The following TBC1D32 variants were observed in gnomAD, a reference collection of about 807,000 sequenced individuals.
TBC1D32 encodes the protein TBC1 domain family member 32, also known as protein broad-minded.
In TBC1D32, 151 loss-of-function variants were observed where a neutral mutation model predicts 170.3. The ratio of observed to expected loss-of-function variants is 0.89; its 90% CI spans 0.78 to 1.01. The LOEUF is 1.01. Ranked by LOEUF, TBC1D32 falls within the 50% of genes least tolerant of loss-of-function variation. The pLI is 0.00. For missense variants in TBC1D32, 1,464 were observed against 1,457.1 expected, an observed-to-expected ratio of 1.00 and a Z score of -0.08; for synonymous variants, 498 against 488.0, an observed-to-expected ratio of 1.02 and a Z score of -0.27.
chr6:121,261,642 T>C (rs564335212), intron 15 of TBC1D32, among the ~76,000 whole-genome samples: 1 of 151,754 alleles, frequency 6.6e-6, no homozygotes, highest in Admixed American at 6.6e-5. Flanking sequence ...GCCTCAAAGA[T>C]CCAAAGTGAA....
In TBC1D32 at chr6:121,115,165, A is replaced by C; in HGVS notation, c.3053+7T>G. ...ATGCACAAGGGAGCTATTTCCCTAT[A>C]ATATACCTGACAGTCATTTTAATGC... On this transcript the variant is annotated splice_region_variant and intron_variant, in intron 27 of 31. Coordinates refer to ENST00000398212, the MANE Select transcript of TBC1D32 (RefSeq NM_152730.6). The C allele has an allele frequency of 6.3e-7, 1 of 1,589,024 alleles. No individual in the cohort carries two copies. The highest frequency in any genetic ancestry group is 8.6e-7 in the Non-Finnish European group (1 of 1,165,626).
intron 24 of TBC1D32, among the ~76,000 whole-genome samples, chr6:121,140,690 A>T (rs906082585): frequency 6.6e-6 from 1 of 152,008 alleles, no homozygotes; most frequent in African/African-American, 2.4e-5. Context: ...TTTTTTAGTT[A>T]TTTTTTTCAA....
At chr6:121,281,430 C>T (rs1802961958) in intron 14 of TBC1D32, 114 bp downstream of exon 14, 5 of 717,426 alleles carry the variant, frequency 7.0e-6, no homozygotes, top group Non-Finnish European at 1.1e-5. Context: ...AAAATACATT[C>T]ATATATGGAA....
In TBC1D32 at chr6:121,321,761, T is replaced by C; in HGVS notation, c.189A>G (p.Ile63Met). 4.3e-6 allele frequency: 7 copies of C among 1,613,652 alleles called. No homozygotes were observed. In the South Asian group the frequency reaches 7.7e-5, roughly 18 times the overall value. Residue 63 changes from isoleucine to methionine, a missense_variant, in exon 2 of 32, where the codon ATA becomes ATG. Around this residue, in one of 3 missense-constraint regions of TBC1D32, gnomAD observed 1,363 missense variants for 1,338.1 expected, o/e 1.02. Coordinates refer to ENST00000398212, the MANE Select transcript of TBC1D32 (RefSeq NM_152730.6). ...CAATCATAGAACCCAAAGTGTTGCC[T>C]ATATGCTGCCTGAGGTATTTCACAA... is the stretch of plus-strand genomic sequence containing the variant. The part of the protein sequence containing the change: ...YEFVKYLRQH[I>M]GNTLGSMIEE...
chr6:121,183,587 T>C (rs1788810825), intron 22 of TBC1D32, among the ~76,000 whole-genome samples: 1 of 152,118 alleles, frequency 6.6e-6, no homozygotes, highest in African/African-American at 2.4e-5. Flanking sequence ...TTAGGCATCT[T>C]GTGCTACACA....
At chr6:121,100,283 C>T (rs146892913) in intron 30 of TBC1D32, among the ~76,000 whole-genome samples, 2,529 of 151,946 alleles carry the variant, frequency 0.017, 36 homozygotes, top group Non-Finnish European at 0.025. Flanking sequence ...TCTATTAGGT[C>T]CGATTGGTGC....
intron 29 of TBC1D32, among the ~76,000 whole-genome samples, chr6:121,107,706 A>C (rs78019421): frequency 0.018 from 2,724 of 152,046 alleles, 95 homozygotes; most frequent in African/African-American, 0.063. Flanking sequence ...TCAACTCATA[A>C]GTGTATTTTA....
intron 25 of TBC1D32, 102 bp downstream of exon 25, chr6:121,131,524 AT>A (rs1170736212): frequency 5.7e-6 from 7 of 1,237,284 alleles, no homozygotes; most frequent in Non-Finnish European, 7.7e-6. Flanking sequence ...TGGATTTAGC[AT>A]TATGTTTTCT....
At chr6:121,288,850 T>C (rs543340680) in intron 12 of TBC1D32, among the ~76,000 whole-genome samples, 267 of 152,138 alleles carry the variant, frequency 1.8e-3, no homozygotes, top group Non-Finnish European at 3.2e-3. Flanking sequence ...TGGTTCAACA[T>C]ACACAAATCA....
intron 12 of TBC1D32, among the ~76,000 whole-genome samples, chr6:121,287,051 C>A (rs1290319003): frequency 1.3e-5 from 2 of 152,062 alleles, no homozygotes; most frequent in East Asian, 1.9e-4. Context: ...CAAAAACATG[C>A]CAAATTGTAG....
intron 25 of TBC1D32, among the ~76,000 whole-genome samples, chr6:121,126,764 C>T (rs1446456899): frequency 2.0e-5 from 3 of 151,568 alleles, no homozygotes; most frequent in South Asian, 2.1e-4. Context: ...AAAAAAAAAT[C>T]ACTAATTATG....
intron 31 of TBC1D32, among the ~76,000 whole-genome samples, chr6:121,090,211 C>T (rs544449470): frequency 3.5e-4 from 54 of 152,256 alleles, no homozygotes; most frequent in African/African-American, 1.3e-3. Flanking sequence ...GGATTACAGG[C>T]GTGAGCCACT....
intron 22 of TBC1D32, among the ~76,000 whole-genome samples, chr6:121,199,230 C>T (rs1482017380): frequency 2.6e-5 from 4 of 151,264 alleles, no homozygotes. Context: ...TAAAAAAACA[C>T]CTACGTGTGT....
chr6:121,216,580 G>T (rs1047886269), intron 21 of TBC1D32, among the ~76,000 whole-genome samples: 1 of 152,172 alleles, frequency 6.6e-6, no homozygotes, highest in Non-Finnish European at 1.5e-5. Flanking sequence ...ACTGTTTAGA[G>T]AGTTATGCAA....
chr6:121,294,803 C>T (rs1346624381), intron 10 of TBC1D32, 143 bp from the exon 11 acceptor site: 1 of 669,082 alleles, frequency 1.5e-6, no homozygotes. Context: ...GCCCTTAAAG[C>T]TCAGCCTCCT....
At chr6:121,325,446 A>T (rs1462872525) in intron 1 of TBC1D32, among the ~76,000 whole-genome samples, 1 of 152,174 alleles carries the variant, frequency 6.6e-6, no homozygotes, top group Non-Finnish European at 1.5e-5. Context: ...ATGGAACAGA[A>T]CAGAGGCCTC....
At chr6:121,086,062 T>C (rs2128171054) in intron 31 of TBC1D32, among the ~76,000 whole-genome samples, 1 of 152,226 alleles carries the variant, frequency 6.6e-6, no homozygotes, top group East Asian at 1.9e-4. Flanking sequence ...TTTCCTTTGC[T>C]TGTATTCTCT....
chr6:121,118,597 T>A (rs1388399164), intron 26 of TBC1D32, among the ~76,000 whole-genome samples: 2 of 152,150 alleles, frequency 1.3e-5, no homozygotes, highest in South Asian at 2.1e-4. Flanking sequence ...TGGAAAAAAA[T>A]AAATTTTCAG....
chr6:121,194,558 A>G (rs1374217708), intron 22 of TBC1D32, among the ~76,000 whole-genome samples: 2 of 152,180 alleles, frequency 1.3e-5, no homozygotes, highest in East Asian at 1.9e-4. Context: ...GGTGACTCCA[A>G]CTGCAGCTGC....
Sources: allele counts gnomAD v4.1 joint callset (sites outside exome capture counted in the v4.1 genomes callset), GRCh38; gene constraint gnomAD v4.1.1; regional missense constraint gnomAD v4.1.1; transcripts MANE v1.5; gene names NCBI Gene and HGNC (gene_info 2026-07-23, HGNC 2026-07-21).